The following CSNK1G3 variants were observed in gnomAD, a reference collection of about 807,000 sequenced individuals.
CSNK1G3 encodes the protein casein kinase I isoform gamma-3.
A neutral mutation model predicts 64.3 loss-of-function variants in CSNK1G3; 23 were observed. The observed-to-expected ratio is 0.36, with a 90% CI of 0.26 to 0.51. The LOEUF is 0.51. Among genes scored for constraint, CSNK1G3 ranks in the 20% least tolerant of loss-of-function variants. The pLI is 0.96. For synonymous variants in CSNK1G3, 158 were observed against 162.2 expected, an observed-to-expected ratio of 0.97 and a Z score of 0.20; for missense variants, 357 against 510.5, an observed-to-expected ratio of 0.70 and a Z score of 2.90.
chr5:123,593,616 C>A (rs1015509432), intron 10 of CSNK1G3, among the ~76,000 whole-genome samples: 1 of 151,948 alleles, frequency 6.6e-6, no homozygotes, highest in East Asian at 1.9e-4. Flanking sequence ...CATTTTTATT[C>A]TTTGATCTTG....
At chr5:123,526,360 T>G (rs867374865) in intron 1 of CSNK1G3, among the ~76,000 whole-genome samples, 2 of 151,890 alleles carry the variant, frequency 1.3e-5, no homozygotes, top group African/African-American at 4.8e-5. Flanking sequence ...AGAAATCAAT[T>G]TTTTTTTAAA....
chr5:123,551,696 G>A (rs1783681314), intron 2 of CSNK1G3, among the ~76,000 whole-genome samples: 1 of 151,956 alleles, frequency 6.6e-6, no homozygotes, highest in Non-Finnish European at 1.5e-5. Context: ...GGAGGTTCAG[G>A]CCATTATGCT....
chr5:123,599,880 TACAGTA>T (rs1794142067), intron 10 of CSNK1G3, among the ~76,000 whole-genome samples: 1 of 152,072 alleles, frequency 6.6e-6, no homozygotes, highest in South Asian at 2.1e-4. Flanking sequence ...CAATAACATT[TACAGTA>T]ACATCTCTGA....
At position 123,592,996 on chromosome 5, in the gene CSNK1G3, A is replaced by G. The variant is rs149027243; in HGVS notation, c.1086+1582A>G. 3.0e-3 allele frequency among the ~76,000 whole-genome samples: 452 copies of G among 152,054 alleles called. 2 individuals are homozygous for G. The highest frequency in any genetic ancestry group is 9.9e-3 in the African/African-American group (412 of 41,518). ...AGAAGATTAATACGGTATTCTTTGA[A>G]ATTCTCCACTTGAGCTGTTAGGTAT... is the stretch of plus-strand genomic sequence containing the variant. On this transcript the variant is annotated intron_variant, in intron 10 of 12. Coordinates refer to ENST00000345990, the Ensembl canonical transcript of CSNK1G3.
chr5:123,529,657 C>T (rs1779607472), intron 1 of CSNK1G3, among the ~76,000 whole-genome samples: 1 of 152,044 alleles, frequency 6.6e-6, no homozygotes, highest in Admixed American at 6.5e-5. Context: ...TTAGGGTTTG[C>T]AGTGAAATTT....
At chr5:123,536,201 A>G (rs1780772495) in intron 1 of CSNK1G3, among the ~76,000 whole-genome samples, 1 of 152,110 alleles carries the variant, frequency 6.6e-6, no homozygotes, top group South Asian at 2.1e-4. Flanking sequence ...TCAAATGAAA[A>G]GTAATGATTC....
At chr5:123,523,719 G>A (rs544506612) in intron 1 of CSNK1G3, among the ~76,000 whole-genome samples, 2 of 152,244 alleles carry the variant, frequency 1.3e-5, no homozygotes, top group Admixed American at 1.3e-4. Flanking sequence ...CCGTTCTATA[G>A]GACCTAATTC....
chr5:123,605,296 C>T lies in CSNK1G3; in HGVS notation c.1194-43C>T, dbSNP rs773856766. The T allele has an allele frequency of 5.2e-6, 8 of 1,548,028 alleles. No homozygotes were observed. The Admixed American group carries it at 1.1e-4, about 21-fold the overall frequency. ...GTGAGCTGTTTCTGATTCTCTCTCT[C>T]TCTTTTTTTTCCTTGTATTTTTTTT... On this transcript the variant is annotated intron_variant, in intron 11 of 12. Coordinates refer to ENST00000345990, the Ensembl canonical transcript of CSNK1G3.
chr5:123,526,565 C>G lies in CSNK1G3; in HGVS notation c.-248+13995C>G, dbSNP rs978993976. Among the ~76,000 whole-genome samples the G allele has an allele frequency of 5.3e-5, 8 of 152,108 alleles. No individual in the cohort carries two copies. The South Asian group carries it at 8.3e-4, about 16-fold the overall frequency. On this transcript the variant is annotated intron_variant, in intron 1 of 12. Transcript: ENST00000345990. Reference sequence around the variant, plus strand: ...AACAGTTCTATCACCCCTTAAAATTCCCCTTGCAGTCAACTTCTCCCACTC... The same window carrying G: ...AACAGTTCTATCACCCCTTAAAATTGCCCTTGCAGTCAACTTCTCCCACTC...
chr5:123,580,503 C>T (rs1790036964), intron 6 of CSNK1G3, among the ~76,000 whole-genome samples: 1 of 151,960 alleles, frequency 6.6e-6, no homozygotes, highest in Admixed American at 6.6e-5. Context: ...TTATACCTTT[C>T]TTATAGCTGC....
intron 10 of CSNK1G3, among the ~76,000 whole-genome samples, chr5:123,600,978 T>A (rs1794401508): frequency 6.6e-6 from 1 of 151,640 alleles, no homozygotes; most frequent in Non-Finnish European, 1.5e-5. Context: ...CAGAGGGAAT[T>A]TTTTTTTAAG....
exon 6 of CSNK1G3, chr5:123,575,791 C>A: frequency 6.2e-7 from 1 of 1,613,594 alleles, no homozygotes. Context: ...AACCTGAGAA[C>A]TTCTTAATAG....
At chr5:123,539,647 C>T (rs1019064437) in intron 1 of CSNK1G3, among the ~76,000 whole-genome samples, 26 of 151,936 alleles carry the variant, frequency 1.7e-4, no homozygotes, top group African/African-American at 4.8e-4. Flanking sequence ...TTTCTTTGCT[C>T]GAATTGTTTT....
intron 2 of CSNK1G3, among the ~76,000 whole-genome samples, chr5:123,550,514 G>T (rs1783422550): frequency 6.6e-6 from 1 of 152,218 alleles, no homozygotes; most frequent in South Asian, 2.1e-4. Flanking sequence ...GCATTCTGTA[G>T]GGGGAGAATG....
chr5:123,597,573 C>T (rs528257151), intron 10 of CSNK1G3, among the ~76,000 whole-genome samples: 3 of 152,146 alleles, frequency 2.0e-5, no homozygotes, highest in Admixed American at 1.3e-4. Flanking sequence ...TAAGATGAAA[C>T]CTCTTGCCAT....
At chr5:123,567,914 T>A (rs905721656) in intron 4 of CSNK1G3, among the ~76,000 whole-genome samples, 1 of 152,186 alleles carries the variant, frequency 6.6e-6, no homozygotes, top group Non-Finnish European at 1.5e-5. Context: ...AGCATAAAAA[T>A]TAGTGCTTCG....
chr5:123,560,017 A>G (rs1785375212), intron 4 of CSNK1G3, among the ~76,000 whole-genome samples: 2 of 152,170 alleles, frequency 1.3e-5, no homozygotes, highest in Admixed American at 6.6e-5. Flanking sequence ...AAGAACTTCT[A>G]AAACTCACCA....
chr5:123,591,221 T>C, intron 9 of CSNK1G3, 98 bp from the exon 10 acceptor site: 2 of 597,794 alleles, frequency 3.3e-6, no homozygotes, highest in East Asian at 6.7e-5. Context: ...TATTTAACAG[T>C]CTTTTGTTTT....
intron 1 of CSNK1G3, among the ~76,000 whole-genome samples, chr5:123,528,951 G>T (rs920032078): frequency 7.2e-5 from 11 of 152,178 alleles, no homozygotes; most frequent in African/African-American, 2.7e-4. Context: ...AGTTGACGTT[G>T]AATAAAGTGA....
Sources: gnomAD v4.1 joint callset for allele counts (sites outside exome capture counted in the v4.1 genomes callset) on GRCh38, gnomAD v4.1.1 for gene constraint, MANE v1.5 for transcripts, NCBI Gene and HGNC (gene_info 2026-07-23, HGNC 2026-07-21) for gene names.